CTNNA2: variants seen among roughly 807,000 people sequenced by gnomAD.
The protein encoded by CTNNA2 is catenin alpha-2.
A neutral mutation model predicts 101.0 loss-of-function variants in CTNNA2; 42 were observed. The observed-to-expected ratio is 0.42, with a 90% CI of 0.32 to 0.54. CTNNA2 has a LOEUF of 0.54. Among genes scored for constraint, CTNNA2 ranks in the 20% least tolerant of loss-of-function variants. The probability of loss-of-function intolerance (pLI) is 0.14; values close to 1 mark genes in which losing one functional copy is unlikely to be tolerated. For missense variants in CTNNA2, 871 were observed against 1,223.1 expected (o/e 0.71, Z 4.29); for synonymous variants, 450 against 456.4 (o/e 0.99, Z 0.18).
At chr2:79,190,355 T>A (rs1673837200) in intron 1 of CTNNA2, among the ~76,000 whole-genome samples, 1 of 152,122 alleles carries the variant, frequency 6.6e-6, no homozygotes, top group African/African-American at 2.4e-5. Flanking sequence ...TCTGCGATTT[T>A]GTTTCTCAAA....
chr2:80,571,684 C>T, intron 12 of CTNNA2, among the ~76,000 whole-genome samples: 1 of 152,128 alleles, frequency 6.6e-6, no homozygotes, highest in East Asian at 1.9e-4. Flanking sequence ...GACCTCAGGG[C>T]TTATTCACTT....
chr2:80,053,572 C>G (rs183866536), intron 7 of CTNNA2, among the ~76,000 whole-genome samples: 4 of 152,308 alleles, frequency 2.6e-5, no homozygotes, highest in Non-Finnish European at 5.9e-5. Flanking sequence ...TGTTCTGCCT[C>G]TTTCAAACTG....
intron 3 of CTNNA2, among the ~76,000 whole-genome samples, chr2:79,838,249 T>C (rs1157878134): frequency 6.6e-6 from 1 of 152,172 alleles, no homozygotes; most frequent in Non-Finnish European, 1.5e-5. Flanking sequence ...AGTGTATTAT[T>C]TGGAATAACT....
intron 3 of CTNNA2, among the ~76,000 whole-genome samples, chr2:79,843,494 C>T (rs964950264): frequency 6.6e-6 from 1 of 152,216 alleles, no homozygotes; most frequent in South Asian, 2.1e-4. Context: ...CCATTGTCCC[C>T]GTCCAGTATG....
intron 9 of CTNNA2, among the ~76,000 whole-genome samples, chr2:80,470,658 G>T (rs1412911381): frequency 6.6e-6 from 1 of 152,100 alleles, no homozygotes; most frequent in Non-Finnish European, 1.5e-5. Context: ...CTGTGCGCTA[G>T]GCTGTGTGTA....
intron 7 of CTNNA2, among the ~76,000 whole-genome samples, chr2:80,138,954 A>G (rs868516945): frequency 2.0e-5 from 3 of 152,058 alleles, no homozygotes; most frequent in Admixed American, 6.6e-5. Context: ...CTGTACCTCA[A>G]TTTCCATGTT....
chr2:79,554,219 A>T lies in CTNNA2; in HGVS notation c.-6+41012A>T, dbSNP rs73938723. 1.8e-3 allele frequency among the ~76,000 whole-genome samples: 268 copies of T among 151,422 alleles called. 1 individual carries two copies. Among genetic ancestry groups the T allele is most frequent in the African/African-American group, 5.7e-3 (236 of 41,272 alleles). On this transcript the variant is annotated intron_variant, in intron 1 of 18. Transcript: ENST00000402739. ...TGGCACATGAAACCTTTTTTTTTTT[A>T]AAACACAAATCTGTATTTGAAAGAC...
At chr2:80,039,710 T>C (rs560901192) in intron 7 of CTNNA2, among the ~76,000 whole-genome samples, 9 of 152,224 alleles carry the variant, frequency 5.9e-5, no homozygotes, top group Non-Finnish European at 1.2e-4. Flanking sequence ...TCTGTGTTCA[T>C]TGGCTTCTGT....
intron 2 of CTNNA2, among the ~76,000 whole-genome samples, chr2:79,209,929 C>T (rs1456012360): frequency 6.6e-6 from 1 of 151,854 alleles, no homozygotes; most frequent in Non-Finnish European, 1.5e-5. Context: ...CTCTCTTTTG[C>T]CTGATCAACA....
At chr2:79,707,407 G>A (rs1008306466) in intron 2 of CTNNA2, among the ~76,000 whole-genome samples, 2 of 152,176 alleles carry the variant, frequency 1.3e-5, no homozygotes, top group African/African-American at 4.8e-5. Context: ...GTCCCTGTGT[G>A]TACAGAACTA....
intron 12 of CTNNA2, among the ~76,000 whole-genome samples, chr2:80,557,732 G>C (rs902179498): frequency 1.3e-5 from 2 of 152,174 alleles, no homozygotes; most frequent in Admixed American, 1.3e-4. Context: ...TTGACAACAG[G>C]AGTGCCACTT....
At position 80,608,314 on chromosome 2, in the gene CTNNA2, CA is replaced by C. The variant is rs774283748; in HGVS notation, c.2427del (p.Thr811GlnfsTer13). On this transcript the variant is annotated frameshift_variant, in exon 17 of 19. Coordinates refer to ENST00000402739, the MANE Select transcript of CTNNA2 (RefSeq NM_001282597.3). LOFTEE classifies it high-confidence loss of function. The part of the protein sequence containing the change: ...VQNLGGELIV[S>X]GTGVQSTFTT... ...AATCTGGGAGGAGAGCTCATTGTGT[CA>C]GGGGTAAGCTGGACTTGGGCTTCAC... The C allele has an allele frequency of 6.2e-7, 1 of 1,607,792 alleles. No individual in the cohort carries two copies. The highest frequency in any genetic ancestry group is 1.3e-5 in the African/African-American group (1 of 74,660).
chr2:80,351,963 C>A (rs891610240), intron 7 of CTNNA2, among the ~76,000 whole-genome samples: 2 of 152,080 alleles, frequency 1.3e-5, no homozygotes, highest in African/African-American at 4.8e-5. Context: ...CTGACCATTT[C>A]CAGACCTTTC....
At chr2:80,492,257 T>C (rs545965068) in intron 9 of CTNNA2, among the ~76,000 whole-genome samples, 109 of 152,296 alleles carry the variant, frequency 7.2e-4, no homozygotes, top group African/African-American at 2.5e-3. Context: ...ATGTAAGACA[T>C]GCTTGCTTCC....
chr2:79,869,104 A>G (rs189377806), intron 4 of CTNNA2, among the ~76,000 whole-genome samples: 1 of 152,316 alleles, frequency 6.6e-6, no homozygotes, highest in East Asian at 1.9e-4. Flanking sequence ...GATGAAATTC[A>G]CAATTCAGGT....
chr2:79,977,260 G>C (rs192475200), intron 7 of CTNNA2, among the ~76,000 whole-genome samples: 181 of 80,958 alleles, frequency 2.2e-3, no homozygotes, highest in African/African-American at 6.5e-3. Context: ...ACACACACTG[G>C]TTCTCACTCT....
At chr2:79,276,866 A>G (rs865910568) in intron 2 of CTNNA2, among the ~76,000 whole-genome samples, 1 of 152,096 alleles carries the variant, frequency 6.6e-6, no homozygotes, top group African/African-American at 2.4e-5. Flanking sequence ...TTCCATTTCT[A>G]CTTCTTCACT....
intron 7 of CTNNA2, among the ~76,000 whole-genome samples, chr2:80,088,687 G>A (rs1699594250): frequency 6.6e-6 from 1 of 152,010 alleles, no homozygotes; most frequent in Non-Finnish European, 1.5e-5. Context: ...GCACATAGAT[G>A]CTCAATTGGT....
chr2:80,400,035 A>G (rs981496686), intron 8 of CTNNA2, among the ~76,000 whole-genome samples: 1 of 152,164 alleles, frequency 6.6e-6, no homozygotes, highest in Non-Finnish European at 1.5e-5. Context: ...ACTGAAAACG[A>G]GATAATTTTA....
Sources: gnomAD v4.1 joint callset for allele counts (sites outside exome capture counted in the v4.1 genomes callset) on GRCh38, gnomAD v4.1.1 for gene constraint, MANE v1.5 for transcripts, NCBI Gene and HGNC (gene_info 2026-07-23, HGNC 2026-07-21) for gene names.